RORA: variants seen among roughly 807,000 people sequenced by gnomAD.
RORA encodes the protein nuclear receptor ROR-alpha.
Under a neutral mutation model 69.5 loss-of-function variants are expected in RORA, and 7 were observed. That is an observed-to-expected ratio of 0.10 (90% CI 0.06 to 0.19). The LOEUF (loss-of-function observed/expected upper bound fraction) is 0.19. RORA is among the 10% of genes least tolerant of loss of function. The pLI, the probability that RORA is intolerant of heterozygous loss-of-function variation, is 1.00. For synonymous variants in RORA, 261 were observed against 240.8 expected (o/e 1.08, Z -0.78); for missense variants, 457 against 663.0 (o/e 0.69, Z 3.41).
rs183782390 is a variant in RORA, at chr15:60,934,263, G to A, written c.167-255577C>T. On this transcript the variant is annotated intron_variant, in intron 1 of 10. Transcript: ENST00000335670. Reference sequence around the variant, plus strand: ...ACCTGCCCTATGCTGGCCCAGTGGAGGCCAAATGGGGGAGCAGAAAGGAAG... The same window carrying A: ...ACCTGCCCTATGCTGGCCCAGTGGAAGCCAAATGGGGGAGCAGAAAGGAAG... Among the ~76,000 whole-genome samples the A allele has an allele frequency of 2.3e-3, 347 of 152,348 alleles. 1 individual carries two copies. Among genetic ancestry groups the A allele is most frequent in the African/African-American group, 8.1e-3 (336 of 41,586 alleles).
intron 1 of RORA, among the ~76,000 whole-genome samples, chr15:60,981,333 T>G (rs185184473): frequency 6.6e-6 from 1 of 152,150 alleles, no homozygotes; most frequent in Admixed American, 6.5e-5. Flanking sequence ...GCTTTTTGTA[T>G]GTATAGATTG....
intron 3 of RORA, among the ~76,000 whole-genome samples, chr15:60,526,922 T>A (rs1481676655): frequency 1.3e-5 from 2 of 152,236 alleles, no homozygotes; most frequent in Non-Finnish European, 2.9e-5. Context: ...GGGGAAGGTG[T>A]CACTTATATA....
rs1204015046 is a variant in RORA at position 61,229,142 on chromosome 15, G to C, written c.77C>G (p.Ser26Cys). 1.9e-6 allele frequency: 3 copies of C among 1,543,452 alleles called. No individual in the cohort carries two copies. The East Asian group carries it at 7.4e-5, about 38-fold the overall frequency. ...TTCCTGGTTCAGCGGGGTCTCCCTGGAGCCGGCGGCCGCGTCCGCGCCGCT... is the reference window on the plus strand; with the variant it reads ...TTCCTGGTTCAGCGGGGTCTCCCTGCAGCCGGCGGCCGCGTCCGCGCCGCT... ...GSSGADAAAG[S>C]RETPLNQESA... The change falls in exon 1 of 11, where the codon TCC (serine) becomes TGC (cysteine). Residue 26 changes from serine (S) to cysteine (C), a missense_variant. This residue lies in a region of RORA where 119 missense variants were observed against 92.4 expected (regional missense o/e 1.29). Transcript: ENST00000335670.
intron 1 of RORA, among the ~76,000 whole-genome samples, chr15:61,162,463 G>C (rs1286182963): frequency 1.3e-5 from 2 of 152,200 alleles, no homozygotes; most frequent in Non-Finnish European, 2.9e-5. Context: ...AGGAGATGCT[G>C]CCAGTAGGGG....
At chr15:60,713,477 T>C (rs559215527) in intron 1 of RORA, among the ~76,000 whole-genome samples, 26 of 152,266 alleles carry the variant, frequency 1.7e-4, no homozygotes, top group Middle Eastern at 3.4e-3. Flanking sequence ...AAGAGTTTTG[T>C]GAAACTGAGA....
chr15:61,185,435 G>T (rs1348091840), intron 1 of RORA, among the ~76,000 whole-genome samples: 1 of 151,982 alleles, frequency 6.6e-6, no homozygotes, highest in African/African-American at 2.4e-5. Context: ...TTCCCAGAAT[G>T]TTCTCATCAG....
intron 1 of RORA, among the ~76,000 whole-genome samples, chr15:61,167,243 T>G (rs550889968): frequency 2.2e-4 from 33 of 152,214 alleles, no homozygotes; most frequent in Non-Finnish European, 4.6e-4. Context: ...AGATTTTTTT[T>G]TCCTTCATTA....
intron 1 of RORA, among the ~76,000 whole-genome samples, chr15:60,944,717 A>C (rs996173372): frequency 1.3e-5 from 2 of 148,976 alleles, no homozygotes; most frequent in African/African-American, 5.0e-5. Context: ...AAAAAAAAGC[A>C]GCATGGCCCA....
intron 1 of RORA, among the ~76,000 whole-genome samples, chr15:60,731,856 A>AT (rs2071434453): frequency 6.6e-6 from 1 of 152,248 alleles, no homozygotes; most frequent in African/African-American, 2.4e-5. Flanking sequence ...CATGAATTGC[A>AT]TAAGCTTAAA....
At chr15:60,521,744 T>C (rs1398105260) in intron 3 of RORA, among the ~76,000 whole-genome samples, 2 of 152,198 alleles carry the variant, frequency 1.3e-5, no homozygotes, top group African/African-American at 2.4e-5. Flanking sequence ...CTCTTACTTA[T>C]ATGTATCTTC....
At chr15:60,902,905 A>G (rs1195424098) in intron 1 of RORA, among the ~76,000 whole-genome samples, 1 of 152,214 alleles carries the variant, frequency 6.6e-6, no homozygotes, top group African/African-American at 2.4e-5. Context: ...CTCCGCTGAA[A>G]GGAAGATTTA....
chr15:60,811,137 C>T (rs1460123146), intron 1 of RORA, among the ~76,000 whole-genome samples: 3 of 152,210 alleles, frequency 2.0e-5, no homozygotes, highest in African/African-American at 7.2e-5. Context: ...TCCAGAGACA[C>T]TCAGTTTCAC....
intron 1 of RORA, among the ~76,000 whole-genome samples, chr15:61,167,124 A>C (rs1168962512): frequency 1.3e-5 from 2 of 152,204 alleles, no homozygotes; most frequent in African/African-American, 4.8e-5. Flanking sequence ...AATGACATCT[A>C]ATCAGGCCCT....
intron 1 of RORA, among the ~76,000 whole-genome samples, chr15:61,205,994 G>A (rs1322376159): frequency 6.6e-6 from 1 of 152,124 alleles, no homozygotes; most frequent in East Asian, 1.9e-4. Flanking sequence ...CTGCAACATG[G>A]GGTTCATAAT....
At chr15:61,170,008 G>T (rs1326322693) in intron 1 of RORA, among the ~76,000 whole-genome samples, 1 of 152,180 alleles carries the variant, frequency 6.6e-6, no homozygotes, top group South Asian at 2.1e-4. Flanking sequence ...GTGTGTACTA[G>T]AATTGGATGT....
chr15:60,743,016 A>ATTTTTTTTTTTTTT (rs33922947), intron 1 of RORA, among the ~76,000 whole-genome samples: 4 of 105,164 alleles, frequency 3.8e-5, no homozygotes, highest in African/African-American at 7.1e-5. Context: ...CATTCATTCT[A>ATTTTTTTTTTTTTT]TTTTTTTTTT....
At chr15:60,504,941 A>G (rs2065450875) in intron 6 of RORA, among the ~76,000 whole-genome samples, 1 of 152,216 alleles carries the variant, frequency 6.6e-6, no homozygotes, top group South Asian at 2.1e-4. Context: ...AGTGGATGTT[A>G]GTTTTCCTCA....
intron 2 of RORA, chr15:60,544,711 A>C (rs2067015496): frequency 6.6e-6 from 1 of 152,146 alleles, no homozygotes; most frequent in Non-Finnish European, 1.5e-5. Flanking sequence ...AAGGCCACTA[A>C]TTGTGCCCTT....
chr15:61,013,779 C>CTTTTTTTTTTTTTTTT (rs3053960), intron 1 of RORA, among the ~76,000 whole-genome samples: 1 of 70,932 alleles, frequency 1.4e-5, no homozygotes, highest in Non-Finnish European at 2.5e-5. Flanking sequence ...ACTGGGTTGG[C>CTTTTTTTTTTTTTTTT]TTTTTTTTTT....
Sources: gnomAD v4.1 joint callset for allele counts (sites outside exome capture counted in the v4.1 genomes callset) on GRCh38, gnomAD v4.1.1 for gene constraint, gnomAD v4.1.1 regional missense constraint, MANE v1.5 for transcripts, NCBI Gene and HGNC (gene_info 2026-07-23, HGNC 2026-07-21) for gene names.